The following NCEH1 variants were observed in gnomAD, a reference collection of about 807,000 sequenced individuals.
NCEH1 encodes the protein neutral cholesterol ester hydrolase 1.
Under a neutral mutation model 25.4 loss-of-function variants are expected in NCEH1, and 9 were observed. The ratio of observed to expected loss-of-function variants is 0.35; its 90% CI spans 0.21 to 0.62. The LOEUF (loss-of-function observed/expected upper bound fraction) is 0.62, where lower values mean the gene tolerates loss of function less well. Ranked by LOEUF, NCEH1 falls within the 20% of genes least tolerant of loss-of-function variation. The pLI, the probability that NCEH1 is intolerant of heterozygous loss-of-function variation, is 0.72. For synonymous variants in NCEH1, 200 were observed against 199.8 expected, an observed-to-expected ratio of 1.00 and a Z score of -0.01; for missense variants, 412 against 501.1, an observed-to-expected ratio of 0.82 and a Z score of 1.70.
rs1553830302 is a variant in NCEH1 at position 172,653,735 on chromosome 3, G to GTTTTTTTTTTTTTTTTTTTT, written c.139-5622_139-5621insAAAAAAAAAAAAAAAAAAAA. Among the ~76,000 whole-genome samples, 9 of 71,020 alleles carry GTTTTTTTTTTTTTTTTTTTT rather than the reference G, an allele frequency of 1.3e-4. 1 individual carries two copies. Among genetic ancestry groups the GTTTTTTTTTTTTTTTTTTTT allele is most frequent in the African/African-American group, 3.6e-4 (7 of 19,714 alleles). 46.6% of individuals were successfully genotyped at this position (71,020 alleles called of 152,430 possible). A position where few individuals can be genotyped will look rare whatever the true frequency, so the allele number is the denominator to read the frequency against. On this transcript the variant is annotated intron_variant, in intron 1 of 4. Coordinates refer to ENST00000475381, the MANE Select transcript of NCEH1 (RefSeq NM_020792.6). ...TTGTTTTTGTTGTTGTTGTTGTTCT[G>GTTTTTTTTTTTTTTTTTTTT]TTTTTTTTGTTTTTTTGTTTTTTTG...
At chr3:172,645,910 T>C (rs1043711716) in intron 2 of NCEH1, among the ~76,000 whole-genome samples, 6 of 152,224 alleles carry the variant, frequency 3.9e-5, no homozygotes, top group Non-Finnish European at 7.3e-5. Context: ...AAATGCATAG[T>C]TTAGTTTTGA....
rs376718245 is a variant in NCEH1 at position 172,711,050 on chromosome 3, C to G, written c.-66G>C. ...AAGGGCGATACCACCCGGAGACCTC[C>G]GGCAACTTTCTGCCCGCGGCAGCTG... On this transcript the variant is annotated 5_prime_UTR_variant, in exon 1 of 5. Coordinates refer to ENST00000475381, the MANE Select transcript of NCEH1 (RefSeq NM_020792.6). 2.5e-5 allele frequency: 40 copies of G among 1,609,906 alleles called. No homozygotes were observed. The African/African-American group carries it at 4.1e-4, about 17-fold the overall frequency.
At chr3:172,661,096 T>C (rs1193571385) in intron 1 of NCEH1, among the ~76,000 whole-genome samples, 10 of 152,256 alleles carry the variant, frequency 6.6e-5, no homozygotes, top group African/African-American at 1.4e-4. Flanking sequence ...CTAGGGTTTT[T>C]ATGGTTTTAG....
chr3:172,702,812 T>C (rs1327615897), intron 1 of NCEH1, among the ~76,000 whole-genome samples: 1 of 151,466 alleles, frequency 6.6e-6, no homozygotes, highest in East Asian at 2.0e-4. Context: ...AGCAAGACTT[T>C]GTCTCTCCTA....
intron 1 of NCEH1, among the ~76,000 whole-genome samples, chr3:172,697,690 G>C (rs1323465514): frequency 6.6e-6 from 1 of 152,176 alleles, no homozygotes; most frequent in African/African-American, 2.4e-5. Context: ...AGAAGGGGAA[G>C]ACAGAAGATT....
chr3:172,647,826 T>C, intron 2 of NCEH1, 60 bp downstream of exon 2: 1 of 1,599,050 alleles, frequency 6.3e-7, no homozygotes, highest in Non-Finnish European at 8.5e-7. Context: ...CAAACTCAGT[T>C]ACGCATCTCC....
intron 1 of NCEH1, among the ~76,000 whole-genome samples, chr3:172,694,477 T>C (rs1576777266): frequency 6.6e-6 from 1 of 152,168 alleles, no homozygotes; most frequent in African/African-American, 2.4e-5. Context: ...ACCTTGAATT[T>C]TAATCACAAC....
At chr3:172,658,967 C>G (rs965537244) in intron 1 of NCEH1, among the ~76,000 whole-genome samples, 1 of 149,670 alleles carries the variant, frequency 6.7e-6, no homozygotes, top group African/African-American at 2.5e-5. Context: ...AGGGCAGTAG[C>G]TCACGTGTGC....
chr3:172,654,587 TA>T (rs1392687767), intron 1 of NCEH1, among the ~76,000 whole-genome samples: 1 of 152,230 alleles, frequency 6.6e-6, no homozygotes, highest in Non-Finnish European at 1.5e-5. Flanking sequence ...CAGTGATCTT[TA>T]AAAAGCTTAT....
chr3:172,644,823 G>A (rs1459768052), intron 3 of NCEH1, among the ~76,000 whole-genome samples: 2 of 152,064 alleles, frequency 1.3e-5, no homozygotes, highest in Non-Finnish European at 2.9e-5. Context: ...AATTCATATT[G>A]TCTATTTCCA....
At chr3:172,685,134 A>T (rs1479109779) in intron 1 of NCEH1, among the ~76,000 whole-genome samples, 3 of 151,852 alleles carry the variant, frequency 2.0e-5, no homozygotes, top group Non-Finnish European at 4.4e-5. Flanking sequence ...TCTACTAAAA[A>T]TACAAAAAGC....
In NCEH1 at chr3:172,681,736, CAAAAAAA is replaced by C. The variant is rs768887847; in HGVS notation, c.138+29104_138+29110del. Among the ~76,000 whole-genome samples the C allele has an allele frequency of 7.7e-5, 8 of 103,878 alleles. No homozygotes were observed. In the South Asian group the frequency reaches 2.2e-3, roughly 28 times the overall value. 68.1% of individuals were successfully genotyped at this position (103,878 alleles called of 152,430 possible). ...AAAACCCTGTCTCTAGTAAAAATAC[CAAAAAAA>C]AAAAAAAAAAAAAATTAGCCAGGCA... is the stretch of plus-strand genomic sequence containing the variant. On this transcript the variant is annotated intron_variant, in intron 1 of 4. Transcript: ENST00000475381.
intron 1 of NCEH1, among the ~76,000 whole-genome samples, chr3:172,664,584 CT>C (rs1186150791): frequency 6.6e-6 from 1 of 152,212 alleles, no homozygotes; most frequent in East Asian, 1.9e-4. Context: ...CTCCCCGTCA[CT>C]TTCAGGTACA....
chr3:172,689,435 C>T (rs1038330527), intron 1 of NCEH1, among the ~76,000 whole-genome samples: 1 of 151,288 alleles, frequency 6.6e-6, no homozygotes, highest in African/African-American at 2.4e-5. Context: ...TTAGTAGAGA[C>T]AGGGTTTTAC....
intron 1 of NCEH1, among the ~76,000 whole-genome samples, chr3:172,700,524 A>AT (rs35118819): frequency 2.6e-5 from 4 of 152,120 alleles, no homozygotes; most frequent in Non-Finnish European, 5.9e-5. Context: ...AATTTAAAAA[A>AT]TTTTTTTAAG....
chr3:172,708,080 T>C (rs1714106274), intron 1 of NCEH1, among the ~76,000 whole-genome samples: 2 of 152,204 alleles, frequency 1.3e-5, no homozygotes, highest in Admixed American at 1.3e-4. Context: ...TTAAGGAATA[T>C]GGGGAACCCC....
At chr3:172,646,496 A>G (rs1414169951) in intron 2 of NCEH1, among the ~76,000 whole-genome samples, 1 of 152,242 alleles carries the variant, frequency 6.6e-6, no homozygotes, top group Non-Finnish European at 1.5e-5. Flanking sequence ...AGCATTTCTT[A>G]GAGGATTCCA....
chr3:172,635,793 T>C (rs930575941), intron 4 of NCEH1, 123 bp downstream of exon 4: 1 of 765,076 alleles, frequency 1.3e-6, no homozygotes, highest in Non-Finnish European at 2.2e-6. Flanking sequence ...CATGAACAAT[T>C]TGGCCATCTA....
At chr3:172,666,205 A>G (rs1718199297) in intron 1 of NCEH1, among the ~76,000 whole-genome samples, 1 of 152,112 alleles carries the variant, frequency 6.6e-6, no homozygotes, top group Non-Finnish European at 1.5e-5. Context: ...TGTCCACCCA[A>G]TATGGCAACT....
Sources: allele counts gnomAD v4.1 joint callset (sites outside exome capture counted in the v4.1 genomes callset), GRCh38; gene constraint gnomAD v4.1.1; transcripts MANE v1.5; gene names NCBI Gene and HGNC (gene_info 2026-07-23, HGNC 2026-07-21).